SIPA1L3: variants seen among roughly 807,000 people sequenced by gnomAD.
SIPA1L3 encodes signal induced proliferation associated 1 like 3.
Under a neutral mutation model 150.1 loss-of-function variants are expected in SIPA1L3, and 59 were observed. The observed-to-expected ratio is 0.39, with a 90% CI of 0.32 to 0.49. The LOEUF is 0.49. Among genes scored for constraint, SIPA1L3 ranks in the 20% least tolerant of loss-of-function variants. The pLI, the probability that SIPA1L3 is intolerant of heterozygous loss-of-function variation, is 0.86. For missense variants in SIPA1L3, 2,211 were observed against 2,489.5 expected, an observed-to-expected ratio of 0.89 and a Z score of 2.38; for synonymous variants, 1,070 against 1,077.6, an observed-to-expected ratio of 0.99 and a Z score of 0.14.
In SIPA1L3 at chr19:38,092,919, G is replaced by A. The variant is rs114690665; in HGVS notation, c.1665+4068G>A. 2.2e-3 allele frequency among the ~76,000 whole-genome samples: 336 copies of A among 150,132 alleles called. 1 individual carries two copies. Among genetic ancestry groups the A allele is most frequent in the African/African-American group, 8.0e-3 (328 of 40,754 alleles). On this transcript the variant is annotated intron_variant, in intron 4 of 21. Coordinates refer to ENST00000222345, the MANE Select transcript of SIPA1L3 (RefSeq NM_015073.3). ...TTGTTCCCCAGGCTGGAGGGCAGTG[G>A]CGTGATCTCTGCTCACCACAAGCTC...
At chr19:38,177,089 C>T (rs181879006) in intron 15 of SIPA1L3, among the ~76,000 whole-genome samples, 5 of 152,092 alleles carry the variant, frequency 3.3e-5, no homozygotes, top group Admixed American at 1.3e-4. Flanking sequence ...GGGCCGGGCG[C>T]GGTGGCTCAC....
At chr19:37,917,329 A>G (rs903491919) in intron 1 of SIPA1L3, among the ~76,000 whole-genome samples, 1 of 152,162 alleles carries the variant, frequency 6.6e-6, no homozygotes, top group Non-Finnish European at 1.5e-5. Context: ...TAGATCTGAC[A>G]TGCCACTCCT....
intron 4 of SIPA1L3, among the ~76,000 whole-genome samples, chr19:38,097,842 G>T (rs1249243335): frequency 1.3e-5 from 2 of 152,208 alleles, no homozygotes; most frequent in African/African-American, 2.4e-5. Flanking sequence ...ACAGGTGTGA[G>T]CCACTGTGTC....
chr19:38,175,773 C>T (rs150469587), intron 15 of SIPA1L3, among the ~76,000 whole-genome samples: 156 of 152,300 alleles, frequency 1.0e-3, no homozygotes, highest in Admixed American at 2.1e-3. Context: ...ATAGACCCCA[C>T]GCAAGTTGGC....
chr19:38,152,793 C>A, intron 12 of SIPA1L3, 47 bp from the exon 13 acceptor site: 1 of 1,565,928 alleles, frequency 6.4e-7, no homozygotes, highest in Admixed American at 1.8e-5. Context: ...TGGTTTTCGA[C>A]ATAGGCTGAT....
intron 1 of SIPA1L3, among the ~76,000 whole-genome samples, chr19:37,961,839 A>C (rs1342475661): frequency 2.6e-5 from 4 of 152,094 alleles, no homozygotes; most frequent in Non-Finnish European, 5.9e-5. Context: ...AATTCTGTAC[A>C]GATTATATAC....
In SIPA1L3 at chr19:38,164,924, G is replaced by A. The variant is rs1972177811; in HGVS notation, c.4208+18G>A. The A allele has an allele frequency of 6.6e-7, 1 of 1,513,486 alleles. No homozygotes were observed. The highest frequency in any genetic ancestry group is 1.4e-5 in the African/African-American group (1 of 72,260). The allele number at this position is 1,513,486 out of a possible 1,614,324, so 93.8% of individuals were successfully genotyped here. ...CAGCCCAGGTAAGCTGTTGCACCTA[G>A]TCTGGGTTCTAACCACCTTCCACTT... is the stretch of plus-strand genomic sequence containing the variant. On this transcript the variant is annotated intron_variant, in intron 15 of 21. Coordinates refer to ENST00000222345, the MANE Select transcript of SIPA1L3 (RefSeq NM_015073.3). This position sits in a 1 kb window ranked among gnomAD's most constrained non-coding sequence, Gnocchi z 4.1.
intron 1 of SIPA1L3, among the ~76,000 whole-genome samples, chr19:37,958,574 T>A (rs1220244152): frequency 6.6e-6 from 1 of 152,132 alleles, no homozygotes; most frequent in Non-Finnish European, 1.5e-5. Context: ...GAAGAAAACA[T>A]AAGATTATAT....
chr19:37,987,967 G>T (rs898275113), intron 1 of SIPA1L3, among the ~76,000 whole-genome samples: 1 of 152,194 alleles, frequency 6.6e-6, no homozygotes, highest in Non-Finnish European at 1.5e-5. Flanking sequence ...TCTAGGCTTG[G>T]TGGTATTATC....
At chr19:38,079,340 C>G (rs1474990400) in intron 2 of SIPA1L3, among the ~76,000 whole-genome samples, 1 of 152,156 alleles carries the variant, frequency 6.6e-6, no homozygotes, top group Non-Finnish European at 1.5e-5. Context: ...CTCAACTGTT[C>G]TAGGCACTGG....
chr19:38,099,486 AG>A (rs983300133), intron 4 of SIPA1L3, among the ~76,000 whole-genome samples: 97 of 152,244 alleles, frequency 6.4e-4, no homozygotes, highest in African/African-American at 2.2e-3. Context: ...TAATGACAAG[AG>A]CCCACCTCCT....
intron 2 of SIPA1L3, 110 bp from the exon 3 acceptor site, chr19:38,081,146 T>C (rs1406495199): frequency 1.5e-5 from 6 of 398,936 alleles, no homozygotes; most frequent in Non-Finnish European, 2.2e-5. Context: ...ATTTCCATAA[T>C]AAAAAGATTT....
chr19:37,931,041 T>C (rs1030197851), intron 1 of SIPA1L3, among the ~76,000 whole-genome samples: 44 of 152,206 alleles, frequency 2.9e-4, no homozygotes, highest in African/African-American at 1.1e-3. Flanking sequence ...AGAAGGATGG[T>C]AAGAGCCTTT....
At chr19:38,033,042 G>A (rs536784642) in intron 2 of SIPA1L3, among the ~76,000 whole-genome samples, 1 of 152,310 alleles carries the variant, frequency 6.6e-6, no homozygotes, top group African/African-American at 2.4e-5. Flanking sequence ...GCGGTCCCCA[G>A]CCTAATTCAT....
At chr19:38,030,631 T>C (rs1401848146) in intron 2 of SIPA1L3, among the ~76,000 whole-genome samples, 949 of 23,188 alleles carry the variant, frequency 0.041, 104 homozygotes, top group African/African-American at 0.064. Context: ...CAAATATATA[T>C]ATATATATAT....
intron 15 of SIPA1L3, among the ~76,000 whole-genome samples, chr19:38,167,807 C>T (rs1972243325): frequency 1.3e-5 from 2 of 152,192 alleles, no homozygotes; most frequent in South Asian, 2.1e-4. Flanking sequence ...TCAAGCGATG[C>T]TCCCATCTCG....
At chr19:37,990,300 T>C (rs1178280057) in intron 1 of SIPA1L3, among the ~76,000 whole-genome samples, 1 of 152,140 alleles carries the variant, frequency 6.6e-6, no homozygotes, top group Non-Finnish European at 1.5e-5. Flanking sequence ...AGGTGGTGGG[T>C]GTTCTTGTTA....
At chr19:37,971,826 C>A (rs1044849644) in intron 1 of SIPA1L3, among the ~76,000 whole-genome samples, 1 of 152,064 alleles carries the variant, frequency 6.6e-6, no homozygotes, top group East Asian at 1.9e-4. Context: ...CTCAGCCTCC[C>A]AAAGTGCTGG....
intron 1 of SIPA1L3, among the ~76,000 whole-genome samples, chr19:37,921,853 T>C (rs1026022801): frequency 1.3e-5 from 2 of 152,200 alleles, no homozygotes; most frequent in Non-Finnish European, 2.9e-5. Flanking sequence ...TCCTCTTGCC[T>C]CAGCCTCCCA....
Sources: gnomAD v4.1 joint callset for allele counts (sites outside exome capture counted in the v4.1 genomes callset) on GRCh38, gnomAD v4.1.1 for gene constraint, Gnocchi (gnomAD v3.1) non-coding constraint, MANE v1.5 for transcripts, NCBI Gene and HGNC (gene_info 2026-07-23, HGNC 2026-07-21) for gene names.